Variants in VAC14 observed in about 807,000 individuals in gnomAD.
VAC14 encodes VAC14 component of PIKFYVE complex, also known as protein VAC14 homolog.
Under a neutral mutation model 85.3 loss-of-function variants are expected in VAC14, and 47 were observed. That is an observed-to-expected ratio of 0.55 (90% confidence interval 0.44 to 0.70). The LOEUF (loss-of-function observed/expected upper bound fraction) is 0.70. Among genes scored for constraint, VAC14 ranks in the 30% least tolerant of loss-of-function variants. The probability of loss-of-function intolerance (pLI) is 0.00; values close to 1 mark genes in which losing one functional copy is unlikely to be tolerated. For missense variants in VAC14, 861 were observed against 1,004.3 expected, an observed-to-expected ratio of 0.86 and a Z score of 1.93; for synonymous variants, 447 against 430.5, an observed-to-expected ratio of 1.04 and a Z score of -0.47.
chr16:70,782,507 A>G lies in VAC14; in HGVS notation c.812-504T>C, dbSNP rs533856569. ...ATGGTCCCGGCATGACATGAGCCAGACAACTGCCAGACATAAGTGAGGCCA... is the reference window on the plus strand; with the variant it reads ...ATGGTCCCGGCATGACATGAGCCAGGCAACTGCCAGACATAAGTGAGGCCA... On this transcript the variant is annotated intron_variant, in intron 7 of 18. Coordinates refer to ENST00000261776, the MANE Select transcript of VAC14 (RefSeq NM_018052.5). Among the ~76,000 whole-genome samples, 196 of 152,334 alleles carry G rather than the reference A, an allele frequency of 1.3e-3. 1 individual carries two copies. Among genetic ancestry groups the G allele is most frequent in the African/African-American group, 4.4e-3 (184 of 41,586 alleles).
intron 14 of VAC14, among the ~76,000 whole-genome samples, chr16:70,713,172 T>G (rs564729146): frequency 1.2e-4 from 18 of 152,308 alleles, no homozygotes; most frequent in African/African-American, 4.1e-4. Flanking sequence ...CTGGCTCCAC[T>G]TTGAGGCAGG....
At chr16:70,780,733 C>T in intron 9 of VAC14, 57 bp downstream of exon 9, 1 of 1,523,344 alleles carries the variant, frequency 6.6e-7, no homozygotes, top group Non-Finnish European at 8.8e-7. Flanking sequence ...ACTCCTATGA[C>T]ATCTGGCTCC....
chr16:70,695,686 C>T, intron 16 of VAC14, 63 bp from the exon 17 acceptor site: 1 of 1,510,306 alleles, frequency 6.6e-7, no homozygotes, highest in South Asian at 1.1e-5. Flanking sequence ...CACAGCACCA[C>T]ACGCCCTCCC....
chr16:70,688,240 CG>C, intron 18 of VAC14, 150 bp from the exon 19 acceptor site: 2 of 1,276,654 alleles, frequency 1.6e-6, no homozygotes, highest in Non-Finnish European at 2.0e-6. Context: ...TCCGTCATGG[CG>C]GGCCCCAGAG....
intron 12 of VAC14, among the ~76,000 whole-genome samples, chr16:70,746,695 A>T (rs1231219529): frequency 6.6e-6 from 1 of 152,222 alleles, no homozygotes; most frequent in Non-Finnish European, 1.5e-5. Flanking sequence ...GAAGAAAGAC[A>T]CAGGGCGGAG....
chr16:70,736,937 G>C (rs1042262271), intron 13 of VAC14, among the ~76,000 whole-genome samples: 2 of 152,166 alleles, frequency 1.3e-5, no homozygotes, highest in South Asian at 4.1e-4. Context: ...AAAGGCCTCA[G>C]TGCTCAGCAG....
At chr16:70,718,592 A>C (rs1182198312) in intron 14 of VAC14, among the ~76,000 whole-genome samples, 3 of 151,180 alleles carry the variant, frequency 2.0e-5, no homozygotes, top group Non-Finnish European at 4.4e-5. Context: ...AAAAAACAAA[A>C]AAACAAAGAA....
chr16:70,720,942 G>GA (rs58579816), intron 14 of VAC14, among the ~76,000 whole-genome samples: 8,209 of 152,306 alleles, frequency 0.054, 738 homozygotes, highest in African/African-American at 0.18. Flanking sequence ...TGGAGGACCA[G>GA]AAAAAATGAG....
At chr16:70,760,998 TG>T in intron 12 of VAC14, among the ~76,000 whole-genome samples, 1 of 116,580 alleles carries the variant, frequency 8.6e-6, no homozygotes, top group Non-Finnish European at 1.7e-5. Context: ...TGTGTGTGTG[TG>T]TGTGTGTGTG....
chr16:70,722,817 T>C (rs1462383957), intron 14 of VAC14, among the ~76,000 whole-genome samples: 1 of 152,154 alleles, frequency 6.6e-6, no homozygotes, highest in African/African-American at 2.4e-5. Flanking sequence ...CGGTAGCTCA[T>C]GCCTGTAATC....
At chr16:70,758,646 C>CT (rs1567574601) in intron 12 of VAC14, among the ~76,000 whole-genome samples, 1 of 152,164 alleles carries the variant, frequency 6.6e-6, no homozygotes, top group Non-Finnish European at 1.5e-5. Context: ...GGCAGCATGG[C>CT]GGCTGCCCAG....
chr16:70,696,923 C>G (rs1463705006), intron 16 of VAC14: 14 of 499,088 alleles, frequency 2.8e-5, no homozygotes, highest in South Asian at 6.0e-5. Flanking sequence ...CCAGCTCCCC[C>G]TCCAAGAGCC....
In VAC14 at chr16:70,780,925, C is replaced by T; in HGVS notation, c.961G>A (p.Ala321Thr). The stretch of plus-strand genomic sequence containing the variant: ...ATCAGGCTCTGGTTGCACACGTTGG[C>T]CACTTCTTTGATGCCTGAGTCCACT... ...DDRKKSIKEV[A>T]NVCNQSLMKL... The change falls in exon 9 of 19, where the codon GCC (alanine) becomes ACC (threonine). Residue 321 changes from alanine (A) to threonine (T), a missense_variant. Around this residue, in one of 3 missense-constraint regions of VAC14, gnomAD observed 629 missense variants for 703.1 expected, o/e 0.89. Transcript: ENST00000261776. 6.2e-7 allele frequency: 1 copy of T among 1,614,124 alleles called. No individual in the cohort carries two copies. Among genetic ancestry groups the T allele is most frequent in the Admixed American group, 1.7e-5 (1 of 60,022 alleles).
intron 18 of VAC14, chr16:70,690,080 A>T (rs2053569844): frequency 1.0e-6 from 1 of 985,324 alleles, no homozygotes; most frequent in African/African-American, 1.7e-5. Context: ...CTTTAGAGAG[A>T]TGCTCTCAGC....
chr16:70,736,294 G>C (rs1414377192), intron 13 of VAC14, among the ~76,000 whole-genome samples: 1 of 152,218 alleles, frequency 6.6e-6, no homozygotes, highest in Non-Finnish European at 1.5e-5. Flanking sequence ...AGTACACGGG[G>C]GCTCCTTTTT....
chr16:70,762,633 G>A lies in VAC14; in HGVS notation c.1306-28C>T, dbSNP rs78628386. The A allele has an allele frequency of 1.1e-5, 17 of 1,611,270 alleles. No homozygotes were observed. The highest frequency in any genetic ancestry group is 4.2e-6 in the Non-Finnish European group (5 of 1,177,940). On this transcript the variant is annotated intron_variant, in intron 11 of 18. Transcript: ENST00000261776. The surrounding 1 kb of genome is among the most constrained non-coding windows in gnomAD (Gnocchi z 4.1). ...GGAGGGCAGAGAAGCAGGGGTGCCC[G>A]TGAGTGCTCCCTTCGCCCCGGGACT...
At chr16:70,716,230 C>T (rs1215013735) in intron 14 of VAC14, 1 of 152,216 alleles carries the variant, frequency 6.6e-6, no homozygotes, top group East Asian at 1.9e-4. Context: ...GTGGGCCCCT[C>T]CCATGAGGCT....
intron 17 of VAC14, among the ~76,000 whole-genome samples, chr16:70,693,690 G>T (rs1286925091): frequency 6.6e-6 from 1 of 152,194 alleles, no homozygotes; most frequent in Non-Finnish European, 1.5e-5. Context: ...CTTCCCCAAG[G>T]CGCACAGGGG....
At chr16:70,738,254 G>C (rs986580665) in intron 13 of VAC14, among the ~76,000 whole-genome samples, 7 of 152,182 alleles carry the variant, frequency 4.6e-5, no homozygotes, top group Non-Finnish European at 8.8e-5. Context: ...GAACTGGAGG[G>C]GGTGCACAGC....
Sources: allele counts gnomAD v4.1 joint callset (sites outside exome capture counted in the v4.1 genomes callset), GRCh38; gene constraint gnomAD v4.1.1; regional missense constraint gnomAD v4.1.1; non-coding constraint Gnocchi (gnomAD v3.1); transcripts MANE v1.5; gene names NCBI Gene and HGNC (gene_info 2026-07-23, HGNC 2026-07-21).